The following TEC variants were observed in gnomAD, a reference collection of about 807,000 sequenced individuals.
The protein encoded by TEC is tyrosine-protein kinase Tec.
TEC carries 72 observed loss-of-function variants against 93.0 expected under a neutral mutation model. The observed-to-expected ratio is 0.77, with a 90% confidence interval of 0.64 to 0.94. The LOEUF is 0.94. Among genes scored for constraint, TEC ranks in the 40% least tolerant of loss-of-function variants. The probability of loss-of-function intolerance (pLI) is 0.00; values close to 1 mark genes in which losing one functional copy is unlikely to be tolerated. For missense variants in TEC, 630 were observed against 757.9 expected (o/e 0.83, Z 1.98); for synonymous variants, 249 against 247.7 (o/e 1.01, Z -0.05).
intron 1 of TEC, among the ~76,000 whole-genome samples, chr4:48,254,865 T>C (rs1223996595): frequency 1.3e-5 from 2 of 151,702 alleles, no homozygotes; most frequent in Non-Finnish European, 2.9e-5. Context: ...CTCCTTTCAC[T>C]AGGGCAGGGC....
intron 2 of TEC, among the ~76,000 whole-genome samples, chr4:48,212,110 A>AAAAAAAAAAATATATAT: frequency 8.2e-6 from 1 of 122,266 alleles, no homozygotes; most frequent in Non-Finnish European, 1.7e-5. Flanking sequence ...AAAAAAAAAA[A>AAAAAAAAAAATATATAT]ATATATATAT....
intron 1 of TEC, among the ~76,000 whole-genome samples, chr4:48,257,362 T>G (rs1356108799): frequency 6.6e-6 from 1 of 152,192 alleles, no homozygotes; most frequent in South Asian, 2.1e-4. Flanking sequence ...TGGGGTGATA[T>G]CCAGAGAAAC....
At chr4:48,254,214 T>C (rs1370617062) in intron 1 of TEC, among the ~76,000 whole-genome samples, 2 of 152,184 alleles carry the variant, frequency 1.3e-5, no homozygotes, top group Non-Finnish European at 2.9e-5. Context: ...GAGATGACCA[T>C]GAACCAGGTG....
intron 1 of TEC, among the ~76,000 whole-genome samples, chr4:48,238,296 T>G (rs1233841019): frequency 1.3e-5 from 2 of 152,214 alleles, no homozygotes; most frequent in African/African-American, 4.8e-5. Context: ...TCTTAAAGTC[T>G]TATATATTTC....
At chr4:48,158,586 A>T (rs1720494174) in intron 8 of TEC, among the ~76,000 whole-genome samples, 1 of 152,248 alleles carries the variant, frequency 6.6e-6, no homozygotes, top group Non-Finnish European at 1.5e-5. Context: ...ATTATAAAGT[A>T]GCAGGATTTG....
At chr4:48,211,321 G>A (rs1722890320) in intron 2 of TEC, among the ~76,000 whole-genome samples, 1 of 152,092 alleles carries the variant, frequency 6.6e-6, no homozygotes, top group Non-Finnish European at 1.5e-5. Context: ...GTGAATTTTG[G>A]TCTTGTTTCC....
chr4:48,159,274 C>CA (rs566501165), intron 8 of TEC, among the ~76,000 whole-genome samples: 88 of 152,270 alleles, frequency 5.8e-4, no homozygotes, highest in African/African-American at 2.0e-3. Context: ...GTGCCAGCAC[C>CA]AGCATCTGAA....
At chr4:48,214,821 T>G (rs1426309693) in intron 2 of TEC, among the ~76,000 whole-genome samples, 1 of 151,760 alleles carries the variant, frequency 6.6e-6, no homozygotes, top group African/African-American at 2.4e-5. Context: ...ACCACTGCAC[T>G]CCAACCCGGA....
chr4:48,147,213 G>A (rs1292280707), intron 11 of TEC, among the ~76,000 whole-genome samples: 1 of 152,162 alleles, frequency 6.6e-6, no homozygotes, highest in Non-Finnish European at 1.5e-5. Flanking sequence ...TATGAAATCA[G>A]TTCCTGAAAT....
chr4:48,263,127 C>T (rs1295383092), intron 1 of TEC, among the ~76,000 whole-genome samples: 1 of 152,164 alleles, frequency 6.6e-6, no homozygotes, highest in East Asian at 1.9e-4. Flanking sequence ...CATCCACAAA[C>T]GGCAGGGTAC....
chr4:48,209,842 T>A (rs2109609510), intron 2 of TEC, among the ~76,000 whole-genome samples: 1 of 152,324 alleles, frequency 6.6e-6, no homozygotes, highest in South Asian at 2.1e-4. Context: ...AAGGAAGAAC[T>A]TAGAGAACAT....
intron 1 of TEC, among the ~76,000 whole-genome samples, chr4:48,235,685 G>A (rs1347167032): frequency 1.3e-5 from 2 of 152,080 alleles, no homozygotes; most frequent in East Asian, 1.9e-4. Flanking sequence ...AGTGAAATCC[G>A]GAGGAATAAG....
chr4:48,223,077 G>C (rs1723317539), intron 2 of TEC, among the ~76,000 whole-genome samples: 1 of 152,100 alleles, frequency 6.6e-6, no homozygotes, highest in African/African-American at 2.4e-5. Context: ...CTAACAGTTT[G>C]AAAAGATATT....
At chr4:48,152,803 T>C (rs1720229122) in intron 9 of TEC, among the ~76,000 whole-genome samples, 1 of 152,182 alleles carries the variant, frequency 6.6e-6, no homozygotes, top group South Asian at 2.1e-4. Context: ...TCAAGCAAAG[T>C]CACCTACTAT....
At chr4:48,258,004 A>G (rs527345989) in intron 1 of TEC, among the ~76,000 whole-genome samples, 1 of 152,362 alleles carries the variant, frequency 6.6e-6, no homozygotes, top group African/African-American at 2.4e-5. Flanking sequence ...AGCTAACACT[A>G]GAAATTTTTG....
At chr4:48,231,531 C>T (rs1322895658) in intron 1 of TEC, among the ~76,000 whole-genome samples, 3 of 151,944 alleles carry the variant, frequency 2.0e-5, no homozygotes, top group Admixed American at 6.5e-5. Flanking sequence ...CCGACGCAGG[C>T]GGATCACGAG....
chr4:48,179,375 T>G (rs1560393413), intron 2 of TEC, among the ~76,000 whole-genome samples: 1 of 25,054 alleles, frequency 4.0e-5, no homozygotes, highest in African/African-American at 1.5e-4. Flanking sequence ...TATATATATA[T>G]ATTTTTTTTT....
At chr4:48,145,629 A>G (rs769067423) in intron 12 of TEC, 50 bp from the exon 13 acceptor site, 3 of 1,596,076 alleles carry the variant, frequency 1.9e-6, no homozygotes, top group Non-Finnish European at 1.7e-6. Flanking sequence ...AAAATGTAGC[A>G]TGAATCAGAG....
At chr4:48,254,986 A>G (rs1193205121) in intron 1 of TEC, among the ~76,000 whole-genome samples, 1 of 152,236 alleles carries the variant, frequency 6.6e-6, no homozygotes, top group African/African-American at 2.4e-5. Flanking sequence ...GTGGATGACC[A>G]AGGGCAGACA....
Sources: allele counts gnomAD v4.1 joint callset (sites outside exome capture counted in the v4.1 genomes callset), GRCh38; gene constraint gnomAD v4.1.1; transcripts MANE v1.5; gene names NCBI Gene and HGNC (gene_info 2026-07-23, HGNC 2026-07-21).